Variants in TCF20 observed in about 807,000 individuals in gnomAD.
The protein encoded by TCF20 is SPRE-binding protein.
In TCF20, 3 loss-of-function variants were observed where a neutral mutation model predicts 148.6. The ratio of observed to expected loss-of-function variants is 0.02; its 90% CI spans 0.01 to 0.05. The LOEUF is 0.05. TCF20 is among the 10% of genes least tolerant of loss of function. The pLI, the probability that TCF20 is intolerant of heterozygous loss-of-function variation, is 1.00. For synonymous variants in TCF20, 1,049 were observed against 909.5 expected, an observed-to-expected ratio of 1.15 and a Z score of -2.76; for missense variants, 2,350 against 2,429.3, an observed-to-expected ratio of 0.97 and a Z score of 0.69.
At chr22:42,327,260 T>C (rs997571415) in intron 1 of TCF20, among the ~76,000 whole-genome samples, 1 of 152,140 alleles carries the variant, frequency 6.6e-6, no homozygotes, top group African/African-American at 2.4e-5. Flanking sequence ...ATGTAACCCT[T>C]CCTGAAGACA....
chr22:42,198,223 A>G (rs1259219120), intron 2 of TCF20, among the ~76,000 whole-genome samples: 1 of 152,248 alleles, frequency 6.6e-6, no homozygotes, highest in Non-Finnish European at 1.5e-5. Flanking sequence ...ACTTGTATCT[A>G]CACTGTGATG....
At chr22:42,246,648 G>C (rs760912914) in intron 1 of TCF20, among the ~76,000 whole-genome samples, 2 of 152,218 alleles carry the variant, frequency 1.3e-5, no homozygotes, top group African/African-American at 2.4e-5. Context: ...GGGAGGACTG[G>C]GGAAGGAGGG....
intron 1 of TCF20, among the ~76,000 whole-genome samples, chr22:42,239,237 G>T (rs1924167245): frequency 1.3e-5 from 2 of 152,162 alleles, no homozygotes; most frequent in Admixed American, 1.3e-4. Flanking sequence ...AGCACTTTGG[G>T]AGGCCGAAGC....
rs759118027 is a variant in TCF20, at chr22:42,216,079, C to CTTTTTTTTTTTTTTTTTTT, written c.-36-757_-36-739dup. On this transcript the variant is annotated intron_variant, in intron 1 of 5. Coordinates refer to ENST00000677622, the MANE Select transcript of TCF20 (RefSeq NM_001378418.1). ...GGTGTGGGGTAAGAAAAACCAAATC[C>CTTTTTTTTTTTTTTTTTTT]TTTTTTTTTTTTTTTTTTTTTTTTT... 1.0e-3 allele frequency among the ~76,000 whole-genome samples: 51 copies of CTTTTTTTTTTTTTTTTTTT among 50,572 alleles called. 17 individuals are homozygous for CTTTTTTTTTTTTTTTTTTT. Among genetic ancestry groups the CTTTTTTTTTTTTTTTTTTT allele is most frequent in the African/African-American group, 3.1e-3 (37 of 11,834 alleles). The allele number at this position is 50,572 out of a possible 152,430, so 33.2% of individuals were successfully genotyped here. A position where few individuals can be genotyped will look rare whatever the true frequency, so the allele number is the denominator to read the frequency against.
At chr22:42,168,795 G>A (rs1935949924) in intron 4 of TCF20, 59 bp from the exon 5 acceptor site, 1 of 1,525,110 alleles carries the variant, frequency 6.6e-7, no homozygotes, top group East Asian at 2.4e-5. Context: ...GCAGAAATCA[G>A]GGAGGGCAAA....
intron 1 of TCF20, among the ~76,000 whole-genome samples, chr22:42,221,627 T>C (rs1922363177): frequency 6.6e-6 from 1 of 151,708 alleles, no homozygotes; most frequent in Non-Finnish European, 1.5e-5. Context: ...AAGTAAGAAA[T>C]GCCCAAAGTC....
intron 2 of TCF20, among the ~76,000 whole-genome samples, chr22:42,194,795 A>C (rs1194131425): frequency 1.3e-5 from 2 of 151,882 alleles, no homozygotes; most frequent in African/African-American, 2.4e-5. Flanking sequence ...AAACCCCCCA[A>C]GTCACTCTAG....
chr22:42,309,748 G>A (rs574280859), intron 1 of TCF20, among the ~76,000 whole-genome samples: 3 of 152,300 alleles, frequency 2.0e-5, no homozygotes, highest in Admixed American at 2.0e-4. Flanking sequence ...TGCCCTGTCT[G>A]GCTTTTCATG....
rs1925875870 is a variant in TCF20 at position 42,258,758 on chromosome 22, C to G, written c.-37+11581G>C. On this transcript the variant is annotated intron_variant, in intron 1 of 5. Transcript: ENST00000677622. Reference sequence around the variant, plus strand: ...GTAGGTGTTGCCAGCACATCCAAGGCTAGGCTAGGTTATGATATTCAGTAG... The same window carrying G: ...GTAGGTGTTGCCAGCACATCCAAGGGTAGGCTAGGTTATGATATTCAGTAG... Among the ~76,000 whole-genome samples, 3 of 152,100 alleles carry G rather than the reference C, an allele frequency of 2.0e-5. No homozygotes were observed. The South Asian group carries it at 6.2e-4, about 31-fold the overall frequency.
chr22:42,336,480 C>G (rs915113448), intron 1 of TCF20, among the ~76,000 whole-genome samples: 4 of 152,202 alleles, frequency 2.6e-5, no homozygotes, highest in East Asian at 3.9e-4. Flanking sequence ...TTCCCTCCCC[C>G]ACCTCCCCAT....
chr22:42,172,579 G>A (rs1936196542), intron 3 of TCF20, among the ~76,000 whole-genome samples: 3 of 152,156 alleles, frequency 2.0e-5, no homozygotes, highest in Admixed American at 1.3e-4. Flanking sequence ...AGAAGAGAAG[G>A]CCACTTTCAT....
intron 1 of TCF20, among the ~76,000 whole-genome samples, chr22:42,248,131 T>C (rs1477659877): frequency 6.6e-6 from 1 of 152,110 alleles, no homozygotes; most frequent in Non-Finnish European, 1.5e-5. Flanking sequence ...TGTCAGATAA[T>C]TGCTGTGAAG....
At chr22:42,170,047 T>C (rs953523651) in intron 3 of TCF20, 151 bp from the exon 4 acceptor site, 2 of 665,806 alleles carry the variant, frequency 3.0e-6, no homozygotes, top group African/African-American at 1.8e-5. Flanking sequence ...CCAAGTAAGC[T>C]ATGATACCTT....
intron 1 of TCF20, among the ~76,000 whole-genome samples, chr22:42,326,420 C>T (rs538427561): frequency 6.6e-6 from 1 of 152,326 alleles, no homozygotes; most frequent in South Asian, 2.1e-4. Context: ...AAGAGCCGTG[C>T]ACCAAATCCC....
At chr22:42,168,572 C>T (rs776354360) in intron 5 of TCF20, 37 bp downstream of exon 5, 107 of 1,539,388 alleles carry the variant, frequency 7.0e-5, no homozygotes, top group Middle Eastern at 6.8e-4. Flanking sequence ...TGCTGGGAGC[C>T]GGGCAGGATG....
At chr22:42,293,619 G>A (rs1402948210) in intron 1 of TCF20, among the ~76,000 whole-genome samples, 3 of 152,328 alleles carry the variant, frequency 2.0e-5, no homozygotes, top group African/African-American at 7.2e-5. Flanking sequence ...GAGGAGGCCT[G>A]GGGCACCTTA....
chr22:42,260,498 G>A (rs1925970947), intron 1 of TCF20, among the ~76,000 whole-genome samples: 1 of 152,102 alleles, frequency 6.6e-6, no homozygotes, highest in Non-Finnish European at 1.5e-5. Flanking sequence ...AGATAAGAGG[G>A]TATGGTTCTT....
intron 1 of TCF20, among the ~76,000 whole-genome samples, chr22:42,224,436 C>T (rs1480374077): frequency 6.7e-6 from 1 of 148,580 alleles, no homozygotes; most frequent in Non-Finnish European, 1.5e-5. Context: ...CACTGCACTC[C>T]AGCCTGGGCA....
chr22:42,293,800 G>C (rs1927175883), intron 1 of TCF20, among the ~76,000 whole-genome samples: 1 of 152,220 alleles, frequency 6.6e-6, no homozygotes. Context: ...AGGAGTTTGA[G>C]ACCAGCCCGA....
Sources: gnomAD v4.1 joint callset for allele counts (sites outside exome capture counted in the v4.1 genomes callset) on GRCh38, gnomAD v4.1.1 for gene constraint, MANE v1.5 for transcripts, NCBI Gene and HGNC (gene_info 2026-07-23, HGNC 2026-07-21) for gene names.